The following TRABD2B variants were observed in gnomAD, a reference collection of about 807,000 sequenced individuals.
TRABD2B encodes TraB domain containing 2B.
Under a neutral mutation model 40.1 loss-of-function variants are expected in TRABD2B, and 14 were observed. The ratio of observed to expected loss-of-function variants is 0.35; its 90% CI spans 0.23 to 0.55. The LOEUF (loss-of-function observed/expected upper bound fraction) is 0.55, where lower values mean the gene tolerates loss of function less well. Among genes scored for constraint, TRABD2B ranks in the 20% least tolerant of loss-of-function variants. TRABD2B has a pLI of 0.90. For missense variants in TRABD2B, 541 were observed against 648.6 expected, an observed-to-expected ratio of 0.83 and a Z score of 1.80; for synonymous variants, 263 against 277.0, an observed-to-expected ratio of 0.95 and a Z score of 0.50.
chr1:47,984,019 T>C (rs1245169463), intron 2 of TRABD2B, among the ~76,000 whole-genome samples: 1 of 152,236 alleles, frequency 6.6e-6, no homozygotes, highest in Non-Finnish European at 1.5e-5. Flanking sequence ...GCTGATATCA[T>C]TCTAAAAGGG....
intron 2 of TRABD2B, among the ~76,000 whole-genome samples, chr1:47,919,847 G>C (rs1175291950): frequency 1.3e-5 from 2 of 152,206 alleles, no homozygotes; most frequent in Non-Finnish European, 2.9e-5. Flanking sequence ...TTCCTGGAGA[G>C]GGGGGTGCTG....
intron 4 of TRABD2B, among the ~76,000 whole-genome samples, chr1:47,788,569 A>G: frequency 6.6e-6 from 1 of 152,272 alleles, no homozygotes; most frequent in Non-Finnish European, 1.5e-5. Context: ...GCGAAGAGTG[A>G]TTTCCATTCC....
intron 2 of TRABD2B, among the ~76,000 whole-genome samples, chr1:47,932,413 A>C (rs1232338172): frequency 1.3e-5 from 2 of 152,216 alleles, no homozygotes; most frequent in African/African-American, 4.8e-5. Flanking sequence ...AGACAATGGA[A>C]GGCAGTGAGG....
intron 2 of TRABD2B, among the ~76,000 whole-genome samples, chr1:47,809,929 T>C (rs1016617463): frequency 2.0e-5 from 3 of 152,302 alleles, no homozygotes; most frequent in African/African-American, 7.2e-5. Context: ...ACACATTCAT[T>C]GAACAAATAT....
At chr1:47,829,039 G>T (rs1382213334) in intron 2 of TRABD2B, among the ~76,000 whole-genome samples, 1 of 152,200 alleles carries the variant, frequency 6.6e-6, no homozygotes, top group Admixed American at 6.5e-5. Flanking sequence ...CTGTGATGTG[G>T]GGAGGGCAGG....
intron 2 of TRABD2B, among the ~76,000 whole-genome samples, chr1:47,857,175 G>A (rs1409544628): frequency 6.6e-6 from 1 of 152,148 alleles, no homozygotes; most frequent in Admixed American, 6.5e-5. Context: ...GGGCAGTCTT[G>A]GTGCATTGCA....
chr1:47,909,105 T>C (rs1031146372), intron 2 of TRABD2B, among the ~76,000 whole-genome samples: 7 of 152,278 alleles, frequency 4.6e-5, no homozygotes, highest in Admixed American at 4.6e-4. Flanking sequence ...CCTGCCATTC[T>C]TTTTGCTAGG....
At position 47,994,094 on chromosome 1, in the gene TRABD2B, C is replaced by T; in HGVS notation, c.606G>A (p.Gly202=). 6.5e-7 allele frequency: 1 copy of T among 1,536,260 alleles called. No homozygotes were observed. The highest frequency in any genetic ancestry group is 1.7e-4 in the Middle Eastern group (1 of 5,992). Residue 202 remains glycine, a synonymous_variant, in exon 2 of 7, where the codon GGG becomes GGA. Transcript: ENST00000606738. The surrounding 1 kb of genome is among the most constrained non-coding windows in gnomAD (Gnocchi z 6.7). The part of the protein sequence containing the change: ...QQAEKMKKTT[G]AVEQVEEQCH... ...ACTGCTCCTCCACCTGCTCCACAGC[C>T]CCTGTGGTCTTCTTCATCTTCTCAG...
intron 4 of TRABD2B, among the ~76,000 whole-genome samples, chr1:47,778,926 C>G (rs576476609): frequency 6.6e-6 from 1 of 152,330 alleles, no homozygotes; most frequent in East Asian, 1.9e-4. Context: ...CTGACCCCAG[C>G]CCCCCACAGT....
At chr1:47,887,963 C>T (rs925473930) in intron 2 of TRABD2B, among the ~76,000 whole-genome samples, 2 of 152,190 alleles carry the variant, frequency 1.3e-5, no homozygotes, top group Non-Finnish European at 2.9e-5. Flanking sequence ...TGTGCCTGCC[C>T]TCCGGAGCCC....
chr1:47,862,024 A>T (rs1031798793), intron 2 of TRABD2B, among the ~76,000 whole-genome samples: 1 of 152,250 alleles, frequency 6.6e-6, no homozygotes, highest in Non-Finnish European at 1.5e-5. Flanking sequence ...ATGTAAAAAA[A>T]GTATTAGACA....
chr1:47,778,385 A>G, intron 5 of TRABD2B, 69 bp downstream of exon 5: 2 of 1,181,662 alleles, frequency 1.7e-6, no homozygotes, highest in South Asian at 2.6e-5. Context: ...GCCTCTTCAC[A>G]GCTCTCCTGA....
At chr1:47,939,560 G>A (rs1412072646) in intron 2 of TRABD2B, among the ~76,000 whole-genome samples, 1 of 152,126 alleles carries the variant, frequency 6.6e-6, no homozygotes, top group Non-Finnish European at 1.5e-5. Context: ...ATGAGACAGG[G>A]ACACTGTAAT....
rs1296988998 is a variant in TRABD2B, at chr1:47,994,866, G to C, written c.103-269C>G. 6.6e-6 allele frequency among the ~76,000 whole-genome samples: 1 copy of C among 152,116 alleles called. No individual in the cohort carries two copies. Among genetic ancestry groups the C allele is most frequent in the Admixed American group, 6.5e-5 (1 of 15,274 alleles). The stretch of plus-strand genomic sequence containing the variant: ...AAATGGGGGTGAAAGCAACTACCTC[G>C]GGTTGTTGGGAGGATTAAAAGATAC... On this transcript the variant is annotated intron_variant, in intron 1 of 6. Transcript: ENST00000606738. This position sits in a 1 kb window ranked among gnomAD's most constrained non-coding sequence, Gnocchi z 6.7.
chr1:47,798,249 C>T (rs1352212049), intron 3 of TRABD2B, among the ~76,000 whole-genome samples: 1 of 152,222 alleles, frequency 6.6e-6, no homozygotes, highest in East Asian at 1.9e-4. Flanking sequence ...TTGGTTTGAC[C>T]AGAACAGTCC....
At chr1:47,958,503 G>A (rs1176874288) in intron 2 of TRABD2B, among the ~76,000 whole-genome samples, 4 of 126,302 alleles carry the variant, frequency 3.2e-5, no homozygotes, top group South Asian at 3.0e-4. Flanking sequence ...CAAAATAAAG[G>A]GATGGATGAA....
At chr1:47,882,409 T>C (rs1018296016) in intron 2 of TRABD2B, among the ~76,000 whole-genome samples, 14 of 152,212 alleles carry the variant, frequency 9.2e-5, no homozygotes, top group African/African-American at 3.4e-4. Context: ...GCTCAGGCCT[T>C]GACAGCTCTA....
At chr1:47,783,530 A>C (rs1404938017) in intron 4 of TRABD2B, among the ~76,000 whole-genome samples, 1 of 152,206 alleles carries the variant, frequency 6.6e-6, no homozygotes, top group Non-Finnish European at 1.5e-5. Flanking sequence ...AGTAAGGAGA[A>C]GCAAGGGCCT....
rs185635180 is a variant in TRABD2B, at chr1:47,926,847, C to T, written c.666+67187G>A. ...ACCCTTCCTGCCTTGCTTTAGAGAG[C>T]TCATCCTATAGTCTTTGCTAAGCGC... On this transcript the variant is annotated intron_variant, in intron 2 of 6. Transcript: ENST00000606738. Among the ~76,000 whole-genome samples, 97 of 152,308 alleles carry T rather than the reference C, an allele frequency of 6.4e-4. No individual in the cohort carries two copies. In the East Asian group the frequency reaches 0.019, roughly 29 times the overall value.
Sources: gnomAD v4.1 joint callset for allele counts (sites outside exome capture counted in the v4.1 genomes callset) on GRCh38, gnomAD v4.1.1 for gene constraint, Gnocchi (gnomAD v3.1) non-coding constraint, MANE v1.5 for transcripts, NCBI Gene and HGNC (gene_info 2026-07-23, HGNC 2026-07-21) for gene names.